NRDC: variants seen among roughly 807,000 people sequenced by gnomAD.
NRDC encodes nardilysin.
In NRDC, 54 loss-of-function variants were observed where a neutral mutation model predicts 147.1. The observed-to-expected ratio is 0.37, with a 90% confidence interval of 0.29 to 0.46. The LOEUF is 0.46. Ranked by LOEUF, NRDC falls within the 20% of genes least tolerant of loss-of-function variation. The pLI is 1.00. For synonymous variants in NRDC, 440 were observed against 482.1 expected (o/e 0.91, Z 1.14); for missense variants, 1,082 against 1,370.6 (o/e 0.79, Z 3.33).
chr1:51,813,240 TG>T (rs1358108699), intron 14 of NRDC, among the ~76,000 whole-genome samples: 1 of 152,222 alleles, frequency 6.6e-6, no homozygotes, highest in Non-Finnish European at 1.5e-5. Flanking sequence ...ATACATGAAA[TG>T]GAAATATTTT....
intron 21 of NRDC, among the ~76,000 whole-genome samples, chr1:51,799,384 T>TC (rs1679083205): frequency 6.6e-6 from 1 of 151,932 alleles, no homozygotes; most frequent in African/African-American, 2.4e-5. Flanking sequence ...TGTGTGATGT[T>TC]CCCTCCCTGT....
At chr1:51,822,159 A>C (rs1205524712) in intron 7 of NRDC, among the ~76,000 whole-genome samples, 2 of 152,096 alleles carry the variant, frequency 1.3e-5, no homozygotes, top group African/African-American at 4.8e-5. Flanking sequence ...CGAAAAAGGA[A>C]ACTTTTTGCT....
At chr1:51,855,206 C>A (rs573187182) in intron 1 of NRDC, among the ~76,000 whole-genome samples, 3 of 152,178 alleles carry the variant, frequency 2.0e-5, no homozygotes, top group African/African-American at 4.8e-5. Flanking sequence ...AAATTTACCA[C>A]TGCCTTTAAA....
intron 23 of NRDC, 57 bp downstream of exon 23, chr1:51,794,766 C>T (rs976176676): frequency 9.4e-6 from 15 of 1,603,462 alleles, no homozygotes; most frequent in Admixed American, 8.5e-5. Flanking sequence ...AATTGTGGCT[C>T]CATGCCCTCT....
At chr1:51,820,916 A>G (rs1297070073) in intron 8 of NRDC, among the ~76,000 whole-genome samples, 1 of 152,158 alleles carries the variant, frequency 6.6e-6, no homozygotes, top group Non-Finnish European at 1.5e-5. Flanking sequence ...TATCTTTTAA[A>G]TATTTGTACT....
At chr1:51,794,876 C>T in intron 22 of NRDC, 22 bp from the exon 23 acceptor site, 1 of 1,613,142 alleles carries the variant, frequency 6.2e-7, no homozygotes, top group Non-Finnish European at 8.5e-7. Context: ...AAGAGAATAA[C>T]TACATTAAGC....
rs3001779 is a variant in NRDC at position 51,831,804 on chromosome 1, C to T, written c.866+2213G>A. On this transcript the variant is annotated intron_variant, in intron 4 of 30. Transcript: ENST00000352171. ...ATGTTGGCCAGGCTGGTCTCGAATT[C>T]CTGGGCTCAAGTGATCCACACACCT... 8.5e-3 allele frequency among the ~76,000 whole-genome samples: 1,289 copies of T among 151,784 alleles called. 23 individuals carry two copies. Among genetic ancestry groups the T allele is most frequent in the African/African-American group, 0.029 (1,199 of 41,388 alleles).
intron 1 of NRDC, among the ~76,000 whole-genome samples, chr1:51,845,084 A>G (rs6702037): frequency 0.51 from 77,477 of 152,000 alleles, 21,010 homozygotes; most frequent in East Asian, 0.93. Flanking sequence ...TGCTCAACAT[A>G]ATCTCGTTCT....
intron 6 of NRDC, 91 bp downstream of exon 6, chr1:51,825,196 T>A: frequency 1.1e-6 from 1 of 894,760 alleles, no homozygotes; most frequent in East Asian, 2.7e-5. Flanking sequence ...CTAGGGACTC[T>A]AGCTTTATAA....
intron 1 of NRDC, among the ~76,000 whole-genome samples, chr1:51,872,155 G>A (rs1361814745): frequency 6.6e-6 from 1 of 152,338 alleles, no homozygotes; most frequent in African/African-American, 2.4e-5. Context: ...ACAGGCGTGA[G>A]CCACGGCGCC....
At chr1:51,806,327 A>G (rs776203973) in intron 18 of NRDC, among the ~76,000 whole-genome samples, 4 of 152,322 alleles carry the variant, frequency 2.6e-5, no homozygotes, top group Non-Finnish European at 5.9e-5. Flanking sequence ...CTCTTTTTAA[A>G]AACAACAATG....
intron 1 of NRDC, among the ~76,000 whole-genome samples, chr1:51,869,532 G>A (rs1682982347): frequency 6.6e-6 from 1 of 152,064 alleles, no homozygotes; most frequent in African/African-American, 2.4e-5. Flanking sequence ...TTTGCCACTA[G>A]TTTTCATTCA....
At chr1:51,794,977 T>G in intron 22 of NRDC, 123 bp from the exon 23 acceptor site, 1 of 1,548,442 alleles carries the variant, frequency 6.5e-7, no homozygotes, top group Non-Finnish European at 8.7e-7. Flanking sequence ...GCAGATATAG[T>G]TGGTGACCTA....
chr1:51,821,202 T>C (rs951926528), intron 8 of NRDC, among the ~76,000 whole-genome samples: 1 of 152,164 alleles, frequency 6.6e-6, no homozygotes, highest in Non-Finnish European at 1.5e-5. Flanking sequence ...TCATATAGTA[T>C]TTTCTTTCGT....
In NRDC at chr1:51,841,071, C is replaced by T. The variant is rs539576428; in HGVS notation, c.342-557G>A. On this transcript the variant is annotated intron_variant, in intron 1 of 30. Transcript: ENST00000352171. ...GGTTATATCTCTATGAAAATGAAAT[C>T]CCCCACAGACTGGTAGCCCCGCAGG... 6.6e-5 allele frequency among the ~76,000 whole-genome samples: 10 copies of T among 152,302 alleles called. No individual in the cohort carries two copies. The South Asian group carries it at 2.1e-3, about 32-fold the overall frequency.
At chr1:51,835,799 C>T (rs1180145184) in intron 3 of NRDC, among the ~76,000 whole-genome samples, 1 of 152,314 alleles carries the variant, frequency 6.6e-6, no homozygotes, top group East Asian at 1.9e-4. Context: ...GGCTGGGGGC[C>T]TTGCTAACCC....
In NRDC at chr1:51,791,832, A is replaced by G. The variant is rs1678671783; in HGVS notation, c.2877-171T>C. Among the ~76,000 whole-genome samples, 3 of 152,220 alleles carry G rather than the reference A, an allele frequency of 2.0e-5. No homozygotes were observed. The South Asian group carries it at 6.2e-4, about 31-fold the overall frequency. On this transcript the variant is annotated intron_variant, in intron 26 of 30. Transcript: ENST00000352171. ...CCATACCTCTCCTGAATTGGGGACC[A>G]CAAACTAGCCTTTTTTCTTATCTTG...
At chr1:51,846,168 G>A (rs1681566333) in intron 1 of NRDC, among the ~76,000 whole-genome samples, 2 of 151,996 alleles carry the variant, frequency 1.3e-5, no homozygotes, top group East Asian at 3.9e-4. Context: ...TTGGAGTGCA[G>A]TGGTGCCGTC....
At chr1:51,794,676 T>C in intron 23 of NRDC, 66 bp from the exon 24 acceptor site, 1 of 1,597,762 alleles carries the variant, frequency 6.3e-7, no homozygotes, top group Non-Finnish European at 8.6e-7. Context: ...CCTTCTAACT[T>C]TTCAATTGCC....
Sources: allele counts gnomAD v4.1 joint callset (sites outside exome capture counted in the v4.1 genomes callset), GRCh38; gene constraint gnomAD v4.1.1; transcripts MANE v1.5; gene names NCBI Gene and HGNC (gene_info 2026-07-23, HGNC 2026-07-21).